Variants in LRP1B observed in about 807,000 individuals in gnomAD.
LRP1B encodes low-density lipoprotein receptor-related protein 1B.
LRP1B carries 217 observed loss-of-function variants against 556.6 expected under a neutral mutation model. The ratio of observed to expected loss-of-function variants is 0.39; its 90% CI spans 0.35 to 0.44. The LOEUF (loss-of-function observed/expected upper bound fraction) is 0.44, where lower values mean the gene tolerates loss of function less well. Ranked by LOEUF, LRP1B falls within the 20% of genes least tolerant of loss-of-function variation. LRP1B has a pLI of 1.00. For synonymous variants in LRP1B, 2,047 were observed against 1,865.8 expected, an observed-to-expected ratio of 1.10 and a Z score of -2.50; for missense variants, 5,053 against 5,620.8, an observed-to-expected ratio of 0.90 and a Z score of 3.23.
intron 10 of LRP1B, among the ~76,000 whole-genome samples, chr2:141,053,828 A>ATGTGTGTGTGTGTG (rs59661474): frequency 6.7e-6 from 1 of 150,130 alleles, no homozygotes; most frequent in Non-Finnish European, 1.5e-5. Flanking sequence ...GTGTGTATAT[A>ATGTGTGTGTGTGTG]TGTGTGTGTG....
intron 2 of LRP1B, among the ~76,000 whole-genome samples, chr2:141,574,193 T>C (rs1049585723): frequency 4.6e-5 from 7 of 152,178 alleles, no homozygotes; most frequent in African/African-American, 1.7e-4. Context: ...GCGAAAATCC[T>C]CAATAAAACA....
chr2:140,340,417 TG>T (rs1355391156), intron 77 of LRP1B, among the ~76,000 whole-genome samples: 1 of 151,630 alleles, frequency 6.6e-6, no homozygotes, highest in African/African-American at 2.4e-5. Context: ...TACATATCTA[TG>T]GTAATTGCTC....
chr2:140,657,600 TATAC>T (rs1411575333), intron 41 of LRP1B, among the ~76,000 whole-genome samples: 1 of 109,060 alleles, frequency 9.2e-6, no homozygotes, highest in South Asian at 3.0e-4. Context: ...CATACATATA[TATAC>T]ATATATATAC....
At chr2:141,843,645 A>G (rs1171550977) in intron 1 of LRP1B, among the ~76,000 whole-genome samples, 1 of 152,138 alleles carries the variant, frequency 6.6e-6, no homozygotes, top group Non-Finnish European at 1.5e-5. Flanking sequence ...TCCTCTTTTT[A>G]TAATTATTAA....
At chr2:141,792,040 T>C (rs1157453397) in intron 2 of LRP1B, among the ~76,000 whole-genome samples, 2 of 97,982 alleles carry the variant, frequency 2.0e-5, no homozygotes, top group Non-Finnish European at 4.0e-5. Flanking sequence ...TCCATTCATT[T>C]TTCAAGTCTT....
intron 2 of LRP1B, among the ~76,000 whole-genome samples, chr2:141,488,171 T>TA: frequency 8.2e-6 from 1 of 121,778 alleles, no homozygotes; most frequent in Non-Finnish European, 1.8e-5. Context: ...CCCAAGGACT[T>TA]ACATTTATTT....
intron 75 of LRP1B, among the ~76,000 whole-genome samples, chr2:140,355,298 T>C (rs572008699): frequency 2.0e-5 from 3 of 152,026 alleles, no homozygotes; most frequent in South Asian, 4.1e-4. Context: ...TTATATGTAA[T>C]TGATAGAAAG....
intron 1 of LRP1B, among the ~76,000 whole-genome samples, chr2:141,919,887 G>T (rs1402454771): frequency 6.6e-6 from 1 of 151,896 alleles, no homozygotes; most frequent in African/African-American, 2.4e-5. Flanking sequence ...AATATAACTA[G>T]TTCACAAAAA....
intron 7 of LRP1B, among the ~76,000 whole-genome samples, chr2:141,123,038 G>A (rs890691356): frequency 1.1e-4 from 17 of 152,028 alleles, no homozygotes; most frequent in Non-Finnish European, 8.8e-5. Flanking sequence ...TCATAGGTGG[G>A]AATTGAACAG....
intron 35 of LRP1B, among the ~76,000 whole-genome samples, chr2:140,748,318 T>C (rs1202111956): frequency 7.7e-6 from 1 of 129,782 alleles, no homozygotes; most frequent in Admixed American, 9.1e-5. Context: ...TATATTCATA[T>C]ATAATATATA....
chr2:140,231,666 T>G lies in LRP1B; in HGVS notation c.*1520A>C, dbSNP rs1203711295. 9 of 151,768 alleles carry G rather than the reference T, an allele frequency of 5.9e-5. No homozygotes were observed. Among genetic ancestry groups the G allele is most frequent in the Non-Finnish European group, 1.0e-4 (7 of 67,558 alleles). 9.4% of individuals were successfully genotyped at this position (151,768 alleles called of 1,614,324 possible). A position where few individuals can be genotyped will look rare whatever the true frequency, so the allele number is the denominator to read the frequency against. ...TTATAAAGGCCTCAATATGGCAAAG[T>G]TTAGAAATAGGTAGTATGCATGCAC... On this transcript the variant is annotated 3_prime_UTR_variant, in exon 91 of 91. Coordinates refer to ENST00000389484, the MANE Select transcript of LRP1B (RefSeq NM_018557.3).
chr2:141,641,700 A>G (rs1053318553), intron 2 of LRP1B, among the ~76,000 whole-genome samples: 3 of 152,160 alleles, frequency 2.0e-5, no homozygotes, highest in Non-Finnish European at 4.4e-5. Context: ...CTCTAATATT[A>G]CCAGACTGCA....
intron 3 of LRP1B, among the ~76,000 whole-genome samples, chr2:141,296,959 T>C (rs571460254): frequency 1.3e-5 from 2 of 152,318 alleles, no homozygotes; most frequent in East Asian, 3.9e-4. Context: ...CATGCAATAT[T>C]TGATTTTACG....
chr2:141,699,470 G>T (rs1691856129), intron 2 of LRP1B, among the ~76,000 whole-genome samples: 1 of 151,802 alleles, frequency 6.6e-6, no homozygotes, highest in Non-Finnish European at 1.5e-5. Flanking sequence ...CACAAAAGGA[G>T]AGTCAGGATT....
chr2:141,803,357 A>G (rs1696072649), intron 2 of LRP1B, among the ~76,000 whole-genome samples: 1 of 151,634 alleles, frequency 6.6e-6, no homozygotes, highest in Non-Finnish European at 1.5e-5. Context: ...TTCAATTCAC[A>G]ATTACACTGA....
chr2:141,487,751 T>C (rs1018001944), intron 2 of LRP1B, among the ~76,000 whole-genome samples: 2 of 152,142 alleles, frequency 1.3e-5, no homozygotes, highest in Non-Finnish European at 2.9e-5. Flanking sequence ...AGAAAATCCT[T>C]CAAGGTTAGG....
chr2:141,563,201 T>C (rs533455571), intron 2 of LRP1B, among the ~76,000 whole-genome samples: 17 of 152,164 alleles, frequency 1.1e-4, no homozygotes, highest in African/African-American at 3.6e-4. Context: ...AATTCAGCTC[T>C]AAACACATTG....
chr2:140,589,852 G>A (rs1389161325), intron 43 of LRP1B, among the ~76,000 whole-genome samples: 1 of 152,066 alleles, frequency 6.6e-6, no homozygotes, highest in African/African-American at 2.4e-5. Context: ...AGAAAGGAGT[G>A]GGAAAGAAGG....
intron 2 of LRP1B, among the ~76,000 whole-genome samples, chr2:141,598,562 C>G (rs1229452564): frequency 1.3e-5 from 2 of 152,024 alleles, no homozygotes; most frequent in Non-Finnish European, 2.9e-5. Flanking sequence ...GTGTTTAGTA[C>G]GTCTTCCATC....
Sources: gnomAD v4.1 joint callset for allele counts (sites outside exome capture counted in the v4.1 genomes callset) on GRCh38, gnomAD v4.1.1 for gene constraint, MANE v1.5 for transcripts, NCBI Gene and HGNC (gene_info 2026-07-23, HGNC 2026-07-21) for gene names.